MZF1: variants seen among roughly 807,000 people sequenced by gnomAD.
MZF1 encodes zinc finger and SCAN domain-containing protein 6.
In MZF1, 24 loss-of-function variants were observed where a neutral mutation model predicts 28.6. The observed-to-expected ratio is 0.84, with a 90% CI of 0.61 to 1.18. The LOEUF is 1.18. Among genes scored for constraint, MZF1 ranks in the 50% most tolerant of loss-of-function variants. MZF1 has a pLI of 0.00. For missense variants in MZF1, 1,166 were observed against 1,026.4 expected (o/e 1.14, Z -1.86); for synonymous variants, 516 against 432.5 (o/e 1.19, Z -2.40).
intron 3 of MZF1, 73 bp from the exon 4 acceptor site, chr19:58,569,659 G>A: frequency 1.5e-6 from 2 of 1,301,066 alleles, no homozygotes; most frequent in Non-Finnish European, 2.1e-6. Flanking sequence ...GGTGTGCCAG[G>A]TGCTGGGATG....
At chr19:58,567,827 A>T (rs917590145) in intron 5 of MZF1, among the ~76,000 whole-genome samples, 8 of 151,990 alleles carry the variant, frequency 5.3e-5, no homozygotes, top group Admixed American at 1.3e-4. Context: ...GTTTTTTTTT[A>T]AAAAGTTACT....
Position 58,562,502 on chromosome 19 carries a change from G to T in MZF1, c.1775C>A (p.Thr592Lys), listed in dbSNP as rs1169205767. 6.2e-7 allele frequency: 1 copy of T among 1,607,758 alleles called. No individual in the cohort carries two copies. The highest frequency in any genetic ancestry group is 1.7e-5 in the Admixed American group (1 of 59,322). The change falls in exon 6 of 6, where the codon ACG becomes AAG. Residue 592 changes from threonine to lysine, a missense_variant. Transcript: ENST00000215057. Reference protein sequence around the residue: ...PTLTQHLRVHTGEKPFACPEC... With the variant: ...PTLTQHLRVHKGEKPFACPEC... ...GGGGCAGGCAAAGGGTTTCTCGCCC[G>T]TGTGTACGCGGAGATGCTGCGTGAG... is the stretch of plus-strand genomic sequence containing the variant.
In MZF1 at chr19:58,569,764, C is replaced by T. The variant is rs1320927553; in HGVS notation, c.581-178G>A. On this transcript the variant is annotated intron_variant, in intron 3 of 5. Transcript: ENST00000215057. ...TCAGGGGCTGGGTGAAGCAGAGTACCCTGGAAGGCCAGGGGTTGAGCTGCA... is the reference window on the plus strand; with the variant it reads ...TCAGGGGCTGGGTGAAGCAGAGTACTCTGGAAGGCCAGGGGTTGAGCTGCA... 5 of 580,238 alleles carry T rather than the reference C, an allele frequency of 8.6e-6. No individual in the cohort carries two copies. The African/African-American group carries it at 9.4e-5, about 11-fold the overall frequency. 35.9% of individuals were successfully genotyped at this position (580,238 alleles called of 1,614,324 possible).
At chr19:58,565,114 A>T in intron 5 of MZF1, among the ~76,000 whole-genome samples, 3 of 136,300 alleles carry the variant, frequency 2.2e-5, no homozygotes, top group African/African-American at 2.8e-5. Context: ...TTTTTTTGAG[A>T]CGTAGTTTTG....
intron 5 of MZF1, among the ~76,000 whole-genome samples, chr19:58,567,158 T>C (rs1240799599): frequency 6.6e-6 from 1 of 152,210 alleles, no homozygotes; most frequent in Non-Finnish European, 1.5e-5. Flanking sequence ...TCCACCTGCC[T>C]CCGCCTCCCA....
intron 5 of MZF1, among the ~76,000 whole-genome samples, chr19:58,565,014 G>A (rs1177120481): frequency 4.3e-5 from 6 of 138,338 alleles, no homozygotes; most frequent in African/African-American, 7.9e-5. Context: ...TCTGCCTCCC[G>A]GGTTCAAGCG....
At chr19:58,569,700 G>A (rs1032817455) in intron 3 of MZF1, 114 bp from the exon 4 acceptor site, 1 of 895,364 alleles carries the variant, frequency 1.1e-6, no homozygotes, top group Non-Finnish European at 1.7e-6. Flanking sequence ...TTGTGGGCTT[G>A]GGTTGGGGAG....
At chr19:58,571,550 G>A (rs2054164190) in intron 1 of MZF1, 121 bp from the exon 2 acceptor site, 1 of 899,518 alleles carries the variant, frequency 1.1e-6, no homozygotes, top group Non-Finnish European at 1.6e-6. Flanking sequence ...TGAGGAAACA[G>A]GCAAAGAAAG....
At chr19:58,564,983 T>C (rs1468480655) in intron 5 of MZF1, among the ~76,000 whole-genome samples, 1 of 136,774 alleles carries the variant, frequency 7.3e-6, no homozygotes, top group African/African-American at 2.7e-5. Context: ...TGCAGTGGTG[T>C]GATCTCGGCT....
chr19:58,565,395 A>AT (rs999398247), intron 5 of MZF1, among the ~76,000 whole-genome samples: 10 of 145,744 alleles, frequency 6.9e-5, no homozygotes, highest in Admixed American at 4.7e-4. Context: ...CACCTAGCCA[A>AT]TTTTTTGTAT....
In MZF1 at chr19:58,562,771, C is replaced by T. The variant is rs553520532; in HGVS notation, c.1506G>A (p.Glu502=). The T allele has an allele frequency of 6.5e-7, 1 of 1,535,372 alleles. No individual in the cohort carries two copies. Among genetic ancestry groups the T allele is most frequent in the African/African-American group, 1.4e-5 (1 of 73,114 alleles). The change falls in exon 6 of 6, where the codon GAG becomes GAA. Residue 502 remains glutamate (E), a synonymous_variant. Coordinates refer to ENST00000215057, the MANE Select transcript of MZF1 (RefSeq NM_198055.2). ...TGTCGCCCGTGTGTACCGCCTGGTG[C>T]TCCAGCAGCACGGCGCGCCGCGCGA... ...ESFARRAVLL[E]HQAVHTGDKS...
chr19:58,566,526 A>G (rs2054061468), intron 5 of MZF1, among the ~76,000 whole-genome samples: 1 of 152,218 alleles, frequency 6.6e-6, no homozygotes, highest in South Asian at 2.1e-4. Context: ...TTACAAAGAC[A>G]CATAAGAAAC....
intron 2 of MZF1, 153 bp downstream of exon 2, chr19:58,570,841 G>A: frequency 8.5e-6 from 7 of 820,510 alleles, no homozygotes; most frequent in Non-Finnish European, 1.3e-5. Context: ...GAATCCCTCT[G>A]CCCTGGGCAG....
intron 5 of MZF1, chr19:58,568,755 G>A (rs1178337066): frequency 1.9e-5 from 3 of 153,906 alleles, no homozygotes; most frequent in African/African-American, 7.2e-5. Context: ...ATGGGTTGTA[G>A]GAGGAGCCTG....
At chr19:58,569,462 C>T in intron 4 of MZF1, 54 bp downstream of exon 4, 1 of 1,613,540 alleles carries the variant, frequency 6.2e-7, no homozygotes, top group Non-Finnish European at 8.5e-7. Context: ...CTACCTGACC[C>T]CACCCAGCAA....
intron 5 of MZF1, chr19:58,564,529 C>G (rs2054001387): frequency 6.6e-6 from 1 of 152,184 alleles, no homozygotes; most frequent in Non-Finnish European, 1.5e-5. Flanking sequence ...CCATCTCCTC[C>G]TAGTAAGAAA....
In MZF1 at chr19:58,563,097, T is replaced by TGCGGCC. The variant is rs767793032; in HGVS notation, c.1179_1180insGGCCGC (p.Phe393_Ser394insGlyArg). 6.2e-6 allele frequency: 10 copies of TGCGGCC among 1,604,942 alleles called. No individual in the cohort carries two copies. In the Admixed American group the frequency reaches 1.7e-4, roughly 27 times the overall value. Reference sequence around the variant, plus strand: ...TGGCGCAGCAGGTGCGAGCTGCGGCTGAAGCTGCGGCCGCACTCGCTGCAC... The same window carrying TGCGGCC: ...TGGCGCAGCAGGTGCGAGCTGCGGCTGCGGCCGAAGCTGCGGCCGCACTCGCTGCAC... On this transcript the variant is annotated inframe_insertion, in exon 6 of 6. Coordinates refer to ENST00000215057, the MANE Select transcript of MZF1 (RefSeq NM_198055.2).
rs2053946854 is a variant in MZF1, at chr19:58,562,458, T to TGAAGCGCTGGCC, written c.1807_1818dup (p.Gly603_Phe606dup). 1 of 1,600,098 alleles carries TGAAGCGCTGGCC rather than the reference T, an allele frequency of 6.2e-7. No homozygotes were observed. The highest frequency in any genetic ancestry group is 1.4e-5 in the African/African-American group (1 of 70,956). On this transcript the variant is annotated inframe_insertion, in exon 6 of 6. Transcript: ENST00000215057. ...TGACGCGTGAGCTTGAGGCGCTGGC[T>TGAAGCGCTGGCC]GAAGCGCTGGCCACACTCGGGGCAG...
intron 5 of MZF1, chr19:58,563,771 A>G: frequency 2.6e-6 from 1 of 384,248 alleles, no homozygotes; most frequent in Non-Finnish European, 4.7e-6. Context: ...CGTTTTTGGA[A>G]GGGCTGTAGG....
Sources: gnomAD v4.1 joint callset for allele counts (sites outside exome capture counted in the v4.1 genomes callset) on GRCh38, gnomAD v4.1.1 for gene constraint, MANE v1.5 for transcripts, NCBI Gene and HGNC (gene_info 2026-07-23, HGNC 2026-07-21) for gene names.